The following MIPOL1 variants were observed in gnomAD, a reference collection of about 807,000 sequenced individuals.
The protein encoded by MIPOL1 is mirror-image polydactyly 1, also known as mirror-image polydactyly gene 1 protein.
In MIPOL1, 57 loss-of-function variants were observed where a neutral mutation model predicts 60.9. The observed-to-expected ratio is 0.94, with a 90% CI of 0.76 to 1.17. The LOEUF (loss-of-function observed/expected upper bound fraction) is 1.17. Among genes scored for constraint, MIPOL1 ranks in the 50% most tolerant of loss-of-function variants. MIPOL1 has a pLI of 0.00. For synonymous variants in MIPOL1, 179 were observed against 168.8 expected (o/e 1.06, Z -0.47); for missense variants, 551 against 511.6 (o/e 1.08, Z -0.74).
At chr14:37,226,788 A>T (rs1311112938) in intron 1 of MIPOL1, among the ~76,000 whole-genome samples, 2 of 152,050 alleles carry the variant, frequency 1.3e-5, no homozygotes, top group Non-Finnish European at 2.9e-5. Context: ...TGGGCAGTGG[A>T]GTGAGATCCT....
In MIPOL1 at chr14:37,442,088, TTGTGTGTGTGTGTGTGTG is replaced by T. The variant is rs3985271; in HGVS notation, c.1031+19165_1031+19182del. On this transcript the variant is annotated intron_variant, in intron 11 of 12. Transcript: ENST00000684589. ...AAAGTTTCATTCTCTTTCTACTTTG[TTGTGTGTGTGTGTGTGTG>T]TGTGTGTGTGTGTGTGTGTGTGTGT... Among the ~76,000 whole-genome samples, 38 of 143,816 alleles carry T rather than the reference TTGTGTGTGTGTGTGTGTG, an allele frequency of 2.6e-4. 1 individual carries two copies. Among genetic ancestry groups the T allele is most frequent in the South Asian group, 2.3e-4 (1 of 4,328 alleles). 94.3% of individuals were successfully genotyped at this position (143,816 alleles called of 152,430 possible).
At chr14:37,252,862 C>G (rs1974328060) in intron 3 of MIPOL1, among the ~76,000 whole-genome samples, 2 of 151,796 alleles carry the variant, frequency 1.3e-5, no homozygotes, top group South Asian at 4.1e-4. Flanking sequence ...ATTGTAGAAT[C>G]TCATATCACT....
intron 12 of MIPOL1, among the ~76,000 whole-genome samples, chr14:37,512,240 G>A (rs2095333904): frequency 1.3e-5 from 2 of 151,662 alleles, no homozygotes; most frequent in Admixed American, 1.3e-4. Flanking sequence ...AAAGAAATTG[G>A]TGTTACAAAG....
At chr14:37,359,880 G>A (rs555759136) in intron 9 of MIPOL1, among the ~76,000 whole-genome samples, 227 of 152,244 alleles carry the variant, frequency 1.5e-3, no homozygotes, top group Non-Finnish European at 1.5e-4. Flanking sequence ...GTGAGAGAGG[G>A]CATCCTTGTC....
intron 3 of MIPOL1, among the ~76,000 whole-genome samples, chr14:37,263,172 A>G (rs1039436849): frequency 2.6e-5 from 4 of 152,152 alleles, no homozygotes; most frequent in Admixed American, 2.6e-4. Context: ...TTTCCAGACT[A>G]AGGAATTGAG....
intron 10 of MIPOL1, among the ~76,000 whole-genome samples, chr14:37,386,564 C>T (rs1156380609): frequency 2.0e-5 from 3 of 151,676 alleles, no homozygotes; most frequent in Non-Finnish European, 4.4e-5. Flanking sequence ...AAAAAAAATA[C>T]AAGTTTACAG....
intron 10 of MIPOL1, among the ~76,000 whole-genome samples, chr14:37,405,244 C>T (rs1002520140): frequency 2.0e-5 from 3 of 152,150 alleles, no homozygotes; most frequent in Non-Finnish European, 1.5e-5. Flanking sequence ...CAAAAGGAAA[C>T]AGGGGATTCT....
intron 11 of MIPOL1, among the ~76,000 whole-genome samples, chr14:37,431,917 T>TTTTGC (rs1470974834): frequency 5.3e-5 from 8 of 152,084 alleles, no homozygotes; most frequent in African/African-American, 1.9e-4. Flanking sequence ...CCAATCATCT[T>TTTTGC]TTTGCTTCCC....
At chr14:37,386,085 A>T (rs754665751) in intron 10 of MIPOL1, among the ~76,000 whole-genome samples, 1 of 151,976 alleles carries the variant, frequency 6.6e-6, no homozygotes, top group Non-Finnish European at 1.5e-5. Flanking sequence ...CCTACCTGTC[A>T]TCTCTTAGCT....
chr14:37,523,406 C>A, intron 12 of MIPOL1: 1 of 353,376 alleles, frequency 2.8e-6, no homozygotes, highest in Non-Finnish European at 5.1e-6. Context: ...TACAGATATC[C>A]CAGGAAGTAA....
At chr14:37,302,996 G>A (rs2086450026) in intron 7 of MIPOL1, among the ~76,000 whole-genome samples, 2 of 151,494 alleles carry the variant, frequency 1.3e-5, no homozygotes, top group Admixed American at 1.3e-4. Context: ...AATTTATCAG[G>A]CACCAAACAG....
chr14:37,438,638 A>C (rs2094198367), intron 11 of MIPOL1, among the ~76,000 whole-genome samples: 1 of 152,216 alleles, frequency 6.6e-6, no homozygotes. Context: ...TTTATTGCAC[A>C]AAACACATCA....
At chr14:37,309,555 A>T (rs2087113623) in intron 9 of MIPOL1, among the ~76,000 whole-genome samples, 1 of 152,056 alleles carries the variant, frequency 6.6e-6, no homozygotes, top group Admixed American at 6.6e-5. Flanking sequence ...TGTGTGCTGC[A>T]CACTGTATCT....
intron 11 of MIPOL1, among the ~76,000 whole-genome samples, chr14:37,496,551 A>G (rs1180368944): frequency 1.4e-5 from 2 of 145,744 alleles, no homozygotes; most frequent in African/African-American, 5.1e-5. Flanking sequence ...CCCATTCACA[A>G]TTGCTTCAAA....
intron 1 of MIPOL1, among the ~76,000 whole-genome samples, chr14:37,222,548 T>A (rs1343964685): frequency 6.6e-6 from 1 of 152,114 alleles, no homozygotes; most frequent in Non-Finnish European, 1.5e-5. Flanking sequence ...TAAAGCCTTT[T>A]GGGCATGGAC....
chr14:37,221,039 T>C (rs1012715406), intron 1 of MIPOL1, among the ~76,000 whole-genome samples: 1 of 151,754 alleles, frequency 6.6e-6, no homozygotes, highest in African/African-American at 2.4e-5. Flanking sequence ...TTTGTTAATT[T>C]TTTTTTTTTT....
chr14:37,423,040 T>G lies in MIPOL1; in HGVS notation c.1031+91T>G, dbSNP rs183473523. The G allele has an allele frequency of 4.2e-4, 316 of 749,944 alleles. No homozygotes were observed. In the African/African-American group the frequency reaches 4.9e-3, roughly 12 times the overall value. 46.5% of individuals were successfully genotyped at this position (749,944 alleles called of 1,614,324 possible). A position where few individuals can be genotyped will look rare whatever the true frequency, so the allele number is the denominator to read the frequency against. On this transcript the variant is annotated intron_variant, in intron 11 of 12. Transcript: ENST00000684589. ...TTACAATAGTGAATGAGGAAATACCTCAATGAAATTAAATATTATGCACTT... is the reference window on the plus strand; with the variant it reads ...TTACAATAGTGAATGAGGAAATACCGCAATGAAATTAAATATTATGCACTT...
chr14:37,517,643 A>ACTC (rs1406176476), intron 12 of MIPOL1, among the ~76,000 whole-genome samples: 1 of 152,196 alleles, frequency 6.6e-6, no homozygotes, highest in African/African-American at 2.4e-5. Flanking sequence ...CAAACAGGAG[A>ACTC]GTAGTTAAAT....
At chr14:37,329,459 T>G (rs2089485336) in intron 9 of MIPOL1, among the ~76,000 whole-genome samples, 1 of 152,198 alleles carries the variant, frequency 6.6e-6, no homozygotes, top group Admixed American at 6.5e-5. Flanking sequence ...AATATTCAAC[T>G]TGTTGATACT....
Sources: allele counts gnomAD v4.1 joint callset (sites outside exome capture counted in the v4.1 genomes callset), GRCh38; gene constraint gnomAD v4.1.1; transcripts MANE v1.5; gene names NCBI Gene and HGNC (gene_info 2026-07-23, HGNC 2026-07-21).